CAMK4: variants seen among roughly 807,000 people sequenced by gnomAD.
CAMK4 encodes calcium/calmodulin-dependent protein kinase type IV.
Under a neutral mutation model 44.9 loss-of-function variants are expected in CAMK4, and 22 were observed. The ratio of observed to expected loss-of-function variants is 0.49; its 90% CI spans 0.35 to 0.70. The LOEUF (loss-of-function observed/expected upper bound fraction) is 0.70, where lower values mean the gene tolerates loss of function less well. CAMK4 is among the 30% of genes least tolerant of loss of function. CAMK4 has a pLI of 0.01. For synonymous variants in CAMK4, 218 were observed against 215.4 expected (o/e 1.01, Z -0.11); for missense variants, 498 against 586.8 (o/e 0.85, Z 1.56).
intron 1 of CAMK4, among the ~76,000 whole-genome samples, chr5:111,309,917 T>C (rs1748126693): frequency 6.6e-6 from 1 of 152,190 alleles, no homozygotes; most frequent in African/African-American, 2.4e-5. Flanking sequence ...TACCTTAATT[T>C]GCAGGAAAAT....
At chr5:111,435,830 A>C (rs1211706890) in intron 5 of CAMK4, among the ~76,000 whole-genome samples, 1 of 152,210 alleles carries the variant, frequency 6.6e-6, no homozygotes, top group Non-Finnish European at 1.5e-5. Context: ...GGGCACATAC[A>C]GTGGAAATTA....
chr5:111,444,691 C>G (rs1007118816), intron 5 of CAMK4, among the ~76,000 whole-genome samples: 1 of 152,162 alleles, frequency 6.6e-6, no homozygotes. Flanking sequence ...ACTGTACCTC[C>G]CCAACCCCCC....
chr5:111,224,278 G>T (rs374698334), upstream of CAMK4: 3 of 595,402 alleles, frequency 5.0e-6, no homozygotes, highest in East Asian at 4.2e-5. The surrounding 1 kb of genome is among the most constrained non-coding windows in gnomAD (Gnocchi z 5.7). Context: ...GCGACTCCGG[G>T]TTCCCCCTCG....
At chr5:111,409,032 T>G (rs1019529937) in intron 5 of CAMK4, among the ~76,000 whole-genome samples, 1 of 152,168 alleles carries the variant, frequency 6.6e-6, no homozygotes, top group Non-Finnish European at 1.5e-5. Flanking sequence ...TGTCTGTGGC[T>G]TTTCCAGGTG....
intron 5 of CAMK4, among the ~76,000 whole-genome samples, chr5:111,428,137 A>G (rs1753299012): frequency 6.6e-6 from 1 of 152,250 alleles, no homozygotes; most frequent in Non-Finnish European, 1.5e-5. Flanking sequence ...ACCATCAAGG[A>G]GGTACCTCTA....
intron 1 of CAMK4, among the ~76,000 whole-genome samples, chr5:111,273,719 A>T: frequency 7.4e-5 from 1 of 13,550 alleles, no homozygotes; most frequent in African/African-American, 8.4e-4. Context: ...ATATATATAT[A>T]CACACACATA....
In CAMK4 at chr5:111,494,850, A is replaced by G. The variant is rs1580833361; in HGVS notation, c.*10384A>G. On this transcript the variant is annotated 3_prime_UTR_variant, in exon 11 of 11. Transcript: ENST00000282356. ...GGGAAATGTAAAGCAGTTGGCATGT[A>G]GAATACGATAATAAATCATTTAAGA... 5 of 152,314 alleles carry G rather than the reference A, an allele frequency of 3.3e-5. No individual in the cohort carries two copies. Among genetic ancestry groups the G allele is most frequent in the Admixed American group, 3.3e-4 (5 of 15,294 alleles). The allele number at this position is 152,314 out of a possible 1,614,324, so 9.4% of individuals were successfully genotyped here. A position where few individuals can be genotyped will look rare whatever the true frequency, so the allele number is the denominator to read the frequency against.
chr5:111,410,922 A>C (rs1406531366), intron 5 of CAMK4, among the ~76,000 whole-genome samples: 3 of 152,302 alleles, frequency 2.0e-5, no homozygotes, highest in Admixed American at 6.5e-5. Flanking sequence ...TGGTAGAATC[A>C]TGTAAAATGG....
Position 111,493,249 on chromosome 5 carries a change from C to G in CAMK4, c.*8783C>G, listed in dbSNP as rs1005597460. On this transcript the variant is annotated 3_prime_UTR_variant, in exon 11 of 11. Transcript: ENST00000282356. The surrounding 1 kb of genome is among the most constrained non-coding windows in gnomAD (Gnocchi z 4.1). ...TGCTTCTAAGCCAAATAAAAATCAT[C>G]AAACACATCGAAGATATTTTTGGGA... The G allele has an allele frequency of 5.3e-5, 8 of 152,148 alleles. No homozygotes were observed. The highest frequency in any genetic ancestry group is 1.9e-4 in the African/African-American group (8 of 41,428). 9.4% of individuals were successfully genotyped at this position (152,148 alleles called of 1,614,324 possible). A position where few individuals can be genotyped will look rare whatever the true frequency, so the allele number is the denominator to read the frequency against.
intron 5 of CAMK4, among the ~76,000 whole-genome samples, chr5:111,397,978 G>A (rs1017814045): frequency 1.3e-5 from 2 of 152,014 alleles, no homozygotes; most frequent in East Asian, 3.9e-4. Context: ...ATCTATATGC[G>A]AGTAACAGAA....
chr5:111,447,172 C>T (rs932307790), intron 6 of CAMK4, among the ~76,000 whole-genome samples: 1 of 152,250 alleles, frequency 6.6e-6, no homozygotes, highest in South Asian at 2.1e-4. Context: ...AGAACTTTGA[C>T]ATAAAATATT....
At chr5:111,229,077 C>T (rs955368444) in intron 1 of CAMK4, among the ~76,000 whole-genome samples, 6 of 152,294 alleles carry the variant, frequency 3.9e-5, no homozygotes, top group South Asian at 2.1e-4. Context: ...AACACGAAAG[C>T]GTGCATTTTC....
chr5:111,482,714 GT>G lies in CAMK4; in HGVS notation c.829-68del. ...CTGGGAAATGGAATAAGATCTGGAA[GT>G]TTGTAAGCTGAGGGCAAGCCCAGGT... On this transcript the variant is annotated intron_variant, in intron 9 of 10. Coordinates refer to ENST00000282356, the MANE Select transcript of CAMK4 (RefSeq NM_001744.6). This position sits in a 1 kb window ranked among gnomAD's most constrained non-coding sequence, Gnocchi z 4.9. 1 of 1,276,156 alleles carries G rather than the reference GT, an allele frequency of 7.8e-7. No individual in the cohort carries two copies. The highest frequency in any genetic ancestry group is 1.1e-6 in the Non-Finnish European group (1 of 913,890). 79.1% of individuals were successfully genotyped at this position (1,276,156 alleles called of 1,614,324 possible). A position where few individuals can be genotyped will look rare whatever the true frequency, so the allele number is the denominator to read the frequency against.
intron 1 of CAMK4, among the ~76,000 whole-genome samples, chr5:111,232,679 G>T (rs1203836160): frequency 1.3e-5 from 2 of 152,088 alleles, no homozygotes; most frequent in East Asian, 3.8e-4. Context: ...GCTGGGTCTT[G>T]GGCTGAGGTT....
intron 1 of CAMK4, among the ~76,000 whole-genome samples, chr5:111,255,602 T>A (rs1326738560): frequency 1.3e-5 from 2 of 152,204 alleles, no homozygotes; most frequent in Non-Finnish European, 2.9e-5. Flanking sequence ...TTTAGAGTCA[T>A]GATTTTGTCA....
At chr5:111,395,788 G>A (rs1048870281) in intron 5 of CAMK4, among the ~76,000 whole-genome samples, 1 of 152,002 alleles carries the variant, frequency 6.6e-6, no homozygotes, top group African/African-American at 2.4e-5. Flanking sequence ...AATATGTGCT[G>A]GAACACTTTG....
At chr5:111,464,263 G>A (rs1206868754) in intron 7 of CAMK4, among the ~76,000 whole-genome samples, 1 of 151,568 alleles carries the variant, frequency 6.6e-6, no homozygotes, top group African/African-American at 2.4e-5. Context: ...CAAAGTTTTT[G>A]GATTAACCCA....
intron 2 of CAMK4, among the ~76,000 whole-genome samples, chr5:111,353,715 A>G (rs1393195105): frequency 2.1e-5 from 3 of 145,862 alleles, no homozygotes; most frequent in Non-Finnish European, 4.6e-5. Context: ...ACAACAAACT[A>G]TCTGAAAAAG....
rs1305428433 is a variant in CAMK4, at chr5:111,359,253, A to T, written c.240+15151A>T. On this transcript the variant is annotated intron_variant, in intron 2 of 10. Transcript: ENST00000282356. Reference sequence around the variant, plus strand: ...TCTGTGATTTTTTTGACTAATAGTAACCATTGTGACTGGTGTGAGATGGTA... The same window carrying T: ...TCTGTGATTTTTTTGACTAATAGTATCCATTGTGACTGGTGTGAGATGGTA... 1.8e-3 allele frequency among the ~76,000 whole-genome samples: 6 copies of T among 3,268 alleles called. 2 individuals carry two copies. Among genetic ancestry groups the T allele is most frequent in the Non-Finnish European group, 2.4e-3 (2 of 824 alleles). The allele number at this position is 3,268 out of a possible 152,430, so 2.1% of individuals were successfully genotyped here. A position where few individuals can be genotyped will look rare whatever the true frequency, so the allele number is the denominator to read the frequency against.
Sources: allele counts gnomAD v4.1 joint callset (sites outside exome capture counted in the v4.1 genomes callset), GRCh38; gene constraint gnomAD v4.1.1; non-coding constraint Gnocchi (gnomAD v3.1); transcripts MANE v1.5; gene names NCBI Gene and HGNC (gene_info 2026-07-23, HGNC 2026-07-21).